Variants in FNDC3B observed in about 807,000 individuals in gnomAD.
The protein encoded by FNDC3B is fibronectin type III domain-containing protein 3B.
A neutral mutation model predicts 151.5 loss-of-function variants in FNDC3B; 12 were observed. The observed-to-expected ratio is 0.08, with a 90% CI of 0.05 to 0.13. FNDC3B has a LOEUF of 0.13. Among genes scored for constraint, FNDC3B ranks in the 10% least tolerant of loss-of-function variants. The probability of loss-of-function intolerance (pLI) is 1.00; values close to 1 mark genes in which losing one functional copy is unlikely to be tolerated. For synonymous variants in FNDC3B, 528 were observed against 549.0 expected (o/e 0.96, Z 0.54); for missense variants, 1,214 against 1,505.3 (o/e 0.81, Z 3.20).
At chr3:172,061,810 C>T (rs887301928) in intron 1 of FNDC3B, among the ~76,000 whole-genome samples, 4 of 152,122 alleles carry the variant, frequency 2.6e-5, no homozygotes, top group East Asian at 1.9e-4. Flanking sequence ...CTTTGTTCAG[C>T]GGACAGGAAA....
At chr3:172,197,490 C>T (rs1167412598) in intron 3 of FNDC3B, among the ~76,000 whole-genome samples, 1 of 152,180 alleles carries the variant, frequency 6.6e-6, no homozygotes, top group Admixed American at 6.5e-5. Flanking sequence ...ACTTTGATGT[C>T]TATATTTCTA....
At chr3:172,342,166 C>T (rs536406530) in intron 17 of FNDC3B, among the ~76,000 whole-genome samples, 31 of 152,318 alleles carry the variant, frequency 2.0e-4, no homozygotes, top group African/African-American at 7.5e-4. Context: ...CTTTCTTTTG[C>T]CCCCAAGGAT....
chr3:172,273,897 G>A (rs1002919127), intron 6 of FNDC3B, among the ~76,000 whole-genome samples: 1 of 152,162 alleles, frequency 6.6e-6, no homozygotes, highest in African/African-American at 2.4e-5. Context: ...AGGTGGTGCC[G>A]CACAACAAAC....
intron 22 of FNDC3B, among the ~76,000 whole-genome samples, chr3:172,359,205 T>G (rs1229888870): frequency 6.6e-6 from 1 of 152,210 alleles, no homozygotes; most frequent in African/African-American, 2.4e-5. Context: ...TTTTATATCT[T>G]GATACTTGTA....
intron 3 of FNDC3B, among the ~76,000 whole-genome samples, chr3:172,186,460 A>G (rs551778456): frequency 6.6e-6 from 1 of 152,356 alleles, no homozygotes; most frequent in South Asian, 2.1e-4. Flanking sequence ...GAAGACCACC[A>G]TGGGACTCAG....
intron 1 of FNDC3B, among the ~76,000 whole-genome samples, chr3:172,111,759 T>A (rs896970591): frequency 6.6e-6 from 1 of 152,212 alleles, no homozygotes; most frequent in African/African-American, 2.4e-5. Flanking sequence ...CATTATTTTG[T>A]CTGATTTGAA....
chr3:172,357,526 G>T (rs1261034074), intron 22 of FNDC3B, among the ~76,000 whole-genome samples: 2 of 152,136 alleles, frequency 1.3e-5, no homozygotes, highest in Non-Finnish European at 2.9e-5. Flanking sequence ...GGTTCCTCAG[G>T]TTAATGTTTG....
chr3:172,325,860 G>C (rs1408037028), intron 11 of FNDC3B, among the ~76,000 whole-genome samples: 1 of 152,166 alleles, frequency 6.6e-6, no homozygotes, highest in Non-Finnish European at 1.5e-5. Flanking sequence ...GTCTCGTTCT[G>C]TCACCCAGGC....
chr3:172,092,464 G>T (rs1312762097), intron 1 of FNDC3B, among the ~76,000 whole-genome samples: 2 of 152,210 alleles, frequency 1.3e-5, no homozygotes, highest in Non-Finnish European at 2.9e-5. Flanking sequence ...GTAAAACGTG[G>T]ACTGAATGGA....
At position 172,299,438 on chromosome 3, in the gene FNDC3B, A is replaced by G. The variant is rs373988926; in HGVS notation, c.1061+651A>G. Among the ~76,000 whole-genome samples the G allele has an allele frequency of 1.1e-4, 17 of 152,314 alleles. No homozygotes were observed. In the South Asian group the frequency reaches 3.5e-3, roughly 32 times the overall value. ...CTGTAAGGAGGAAAGTGTTATCTGA[A>G]TTTTTTAGAGAGACCATCTGATTAT... On this transcript the variant is annotated intron_variant, in intron 9 of 25. Transcript: ENST00000415807.
intron 21 of FNDC3B, among the ~76,000 whole-genome samples, chr3:172,351,423 G>C (rs1481415043): frequency 2.0e-5 from 3 of 152,218 alleles, no homozygotes; most frequent in Non-Finnish European, 4.4e-5. Context: ...GTCAGTAAAG[G>C]GGAGAGTAGC....
intron 25 of FNDC3B, among the ~76,000 whole-genome samples, chr3:172,384,292 C>T (rs1347216241): frequency 6.6e-6 from 1 of 152,194 alleles, no homozygotes; most frequent in African/African-American, 2.4e-5. Flanking sequence ...CATCATTCCT[C>T]TTAAATAAGA....
At chr3:172,220,547 G>A (rs1354915758) in intron 3 of FNDC3B, among the ~76,000 whole-genome samples, 4 of 152,182 alleles carry the variant, frequency 2.6e-5, no homozygotes, top group South Asian at 4.1e-4. Context: ...TCTGTCTTTT[G>A]TTGCTTGTAC....
At chr3:172,294,079 C>T (rs1031646855) in intron 7 of FNDC3B, among the ~76,000 whole-genome samples, 1 of 152,130 alleles carries the variant, frequency 6.6e-6, no homozygotes, top group Admixed American at 6.5e-5. Flanking sequence ...ACAGTTACAG[C>T]GTTAAAGTTT....
intron 8 of FNDC3B, 36 bp from the exon 9 acceptor site, chr3:172,298,692 T>C (rs1164494654): frequency 2.0e-5 from 30 of 1,524,080 alleles, no homozygotes; most frequent in Non-Finnish European, 2.5e-5. Flanking sequence ...CTTTTGAAAC[T>C]GGAATTAGCA....
intron 8 of FNDC3B, 52 bp from the exon 9 acceptor site, chr3:172,298,676 C>A: frequency 7.5e-7 from 1 of 1,332,524 alleles, no homozygotes; most frequent in South Asian, 1.3e-5. Context: ...TTCCAAATCT[C>A]GTTTGCTTTT....
chr3:172,056,415 G>A (rs983361643), intron 1 of FNDC3B, among the ~76,000 whole-genome samples: 1 of 152,142 alleles, frequency 6.6e-6, no homozygotes, highest in Non-Finnish European at 1.5e-5. Flanking sequence ...GTATTCTTGA[G>A]CCCTTGTCTA....
intron 25 of FNDC3B, among the ~76,000 whole-genome samples, chr3:172,390,817 T>C (rs1249099985): frequency 6.6e-6 from 1 of 152,176 alleles, no homozygotes; most frequent in Non-Finnish European, 1.5e-5. Flanking sequence ...AGGTCTTTGC[T>C]TGGCAGAAAC....
At chr3:172,128,207 A>T (rs1331501318) in intron 2 of FNDC3B, among the ~76,000 whole-genome samples, 2 of 152,090 alleles carry the variant, frequency 1.3e-5, no homozygotes, top group South Asian at 4.1e-4. Flanking sequence ...TTATTTTTCA[A>T]TCAGCTTTGG....
Sources: allele counts gnomAD v4.1 joint callset (sites outside exome capture counted in the v4.1 genomes callset), GRCh38; gene constraint gnomAD v4.1.1; transcripts MANE v1.5; gene names NCBI Gene and HGNC (gene_info 2026-07-23, HGNC 2026-07-21).